The following WDR86 variants were observed in gnomAD, a reference collection of about 807,000 sequenced individuals.
The protein encoded by WDR86 is WD repeat-containing protein 86.
Under a neutral mutation model 36.5 loss-of-function variants are expected in WDR86, and 30 were observed. That is an observed-to-expected ratio of 0.82 (90% CI 0.61 to 1.11). The LOEUF (loss-of-function observed/expected upper bound fraction) is 1.11. Ranked by LOEUF, WDR86 falls within the 50% of genes most tolerant of loss-of-function variation. The pLI, the probability that WDR86 is intolerant of heterozygous loss-of-function variation, is 0.00. For synonymous variants in WDR86, 255 were observed against 252.9 expected (o/e 1.01, Z -0.08); for missense variants, 545 against 561.2 (o/e 0.97, Z 0.29).
At chr7:151,375,942 G>C (rs376679280) in exon 2 of WDR86, 2 of 1,604,576 alleles carry the variant, frequency 1.2e-6, no homozygotes, top group Non-Finnish European at 1.7e-6. Context: ...AACATTGACC[G>C]AGTGAGTGAC....
chr7:151,370,182 G>A, the WDR86 span, among the ~76,000 whole-genome samples: 2 of 151,896 alleles, frequency 1.3e-5, no homozygotes, highest in Admixed American at 1.3e-4. Flanking sequence ...TGCCTCCCAG[G>A]TTCAAGTGAT....
At position 151,401,832 on chromosome 7, in the gene WDR86, A is replaced by G. The variant is rs944191283; in HGVS notation, c.164-1591T>C. ...TGGGAGGCCGAGGCGGGTGGATCAC[A>G]AGGTCAGGAGTTCAAGATCAGCCTG... is the stretch of plus-strand genomic sequence containing the variant. On this transcript the variant is annotated intron_variant, in intron 1 of 5. Transcript: ENST00000334493. The surrounding 1 kb of genome is among the most constrained non-coding windows in gnomAD (Gnocchi z 4.3). 4.0e-5 allele frequency among the ~76,000 whole-genome samples: 6 copies of G among 151,120 alleles called. No individual in the cohort carries two copies. Among genetic ancestry groups the G allele is most frequent in the Non-Finnish European group, 8.8e-5 (6 of 67,806 alleles).
rs1004820436 is a variant in WDR86 at position 151,400,806 on chromosome 7, G to A, written c.164-565C>T. Among the ~76,000 whole-genome samples, 11 of 152,344 alleles carry A rather than the reference G, an allele frequency of 7.2e-5. 1 individual carries two copies. The highest frequency in any genetic ancestry group is 2.6e-4 in the African/African-American group (11 of 41,576). On this transcript the variant is annotated intron_variant, in intron 1 of 5. Coordinates refer to ENST00000334493, the MANE Select transcript of WDR86 (RefSeq NM_198285.3). Reference sequence around the variant, plus strand: ...GTCCTCAGGACGCAGCAACCATGGCGACTGCGCCGTCAACACAATAAGCCC... The same window carrying A: ...GTCCTCAGGACGCAGCAACCATGGCAACTGCGCCGTCAACACAATAAGCCC...
intron 3 of WDR86, among the ~76,000 whole-genome samples, chr7:151,394,850 C>T (rs1244927416): frequency 6.6e-6 from 1 of 151,582 alleles, no homozygotes; most frequent in African/African-American, 2.4e-5. Flanking sequence ...GCGTGAGAAC[C>T]CCCAGGCACC....
chr7:151,404,676 A>G (rs1322306129), intron 1 of WDR86, among the ~76,000 whole-genome samples: 1 of 152,256 alleles, frequency 6.6e-6, no homozygotes, highest in African/African-American at 2.4e-5. Context: ...CAAACTAAAA[A>G]TAAATATTTC....
rs748460809 is a variant in WDR86, at chr7:151,385,239, G to T, written c.727-16C>A. 1 of 1,609,412 alleles carries T rather than the reference G, an allele frequency of 6.2e-7. No individual in the cohort carries two copies. The highest frequency in any genetic ancestry group is 1.1e-5 in the South Asian group (1 of 91,076). On this transcript the variant is annotated splice_polypyrimidine_tract_variant and intron_variant, in intron 3 of 5. Coordinates refer to ENST00000334493, the MANE Select transcript of WDR86 (RefSeq NM_198285.3). ...GGTTCACCAGCTGCGAGGAGGAGCAGGGAAGGTCGGCAGCTGGGGCAGCTC... is the reference window on the plus strand; with the variant it reads ...GGTTCACCAGCTGCGAGGAGGAGCATGGAAGGTCGGCAGCTGGGGCAGCTC...
At chr7:151,384,940 G>T in intron 4 of WDR86, 148 bp downstream of exon 4, 1 of 878,166 alleles carries the variant, frequency 1.1e-6, no homozygotes, top group Non-Finnish European at 1.7e-6. Flanking sequence ...CTGGAAGCAC[G>T]GGTGTGTGGA....
chr7:151,369,295 A>AC, the WDR86 span: 1 of 153,502 alleles, frequency 6.5e-6, no homozygotes, highest in East Asian at 1.9e-4. Flanking sequence ...GGTGTGAGCC[A>AC]CCGCGCCTGG....
chr7:151,394,716 C>T (rs73727167), intron 3 of WDR86, among the ~76,000 whole-genome samples: 5,821 of 152,354 alleles, frequency 0.038, 206 homozygotes, highest in African/African-American at 0.093. Flanking sequence ...CATTGATTCA[C>T]CAAATCCCTA....
At chr7:151,379,549 C>T (rs1798457988), downstream of WDR86, among the ~76,000 whole-genome samples, 1 of 152,180 alleles carries the variant, frequency 6.6e-6, no homozygotes, top group Admixed American at 6.5e-5. Flanking sequence ...GGATCAGACT[C>T]TCTCACTCAC....
chr7:151,393,291 C>A (rs1351053536), intron 3 of WDR86, among the ~76,000 whole-genome samples: 1 of 152,170 alleles, frequency 6.6e-6, no homozygotes, highest in Non-Finnish European at 1.5e-5. Flanking sequence ...TGCGCCTATG[C>A]CTGTGTGTGC....
At chr7:151,395,166 TC>T (rs748132210) in intron 3 of WDR86, among the ~76,000 whole-genome samples, 2 of 152,210 alleles carry the variant, frequency 1.3e-5, no homozygotes, top group Non-Finnish European at 2.9e-5. Flanking sequence ...CACTTCCCAG[TC>T]CCCAACCCAT....
downstream of WDR86, among the ~76,000 whole-genome samples, chr7:151,375,589 T>G (rs1202294313): frequency 1.3e-5 from 2 of 152,226 alleles, no homozygotes; most frequent in East Asian, 3.9e-4. Flanking sequence ...TGGATGCTGC[T>G]TCCACCTGCT....
At position 151,388,064 on chromosome 7, in the gene WDR86, G is replaced by A. The variant is rs982206585; in HGVS notation, c.727-2841C>T. ...CAAAACGCAGGTGCAATCTCTGCCCGCCGGCTCCTCAGGGTTGGGTGAGAC... is the reference window on the plus strand; with the variant it reads ...CAAAACGCAGGTGCAATCTCTGCCCACCGGCTCCTCAGGGTTGGGTGAGAC... On this transcript the variant is annotated intron_variant, in intron 3 of 5. Coordinates refer to ENST00000334493, the MANE Select transcript of WDR86 (RefSeq NM_198285.3). This position sits in a 1 kb window ranked among gnomAD's most constrained non-coding sequence, Gnocchi z 4.2. Among the ~76,000 whole-genome samples, 1 of 152,192 alleles carries A rather than the reference G, an allele frequency of 6.6e-6. No individual in the cohort carries two copies. The highest frequency in any genetic ancestry group is 1.5e-5 in the Non-Finnish European group (1 of 68,024).
chr7:151,400,072 C>T (rs763631830), intron 2 of WDR86, 28 bp downstream of exon 2: 2 of 1,527,296 alleles, frequency 1.3e-6, no homozygotes, highest in Non-Finnish European at 1.8e-6. Flanking sequence ...TATGGTGAGA[C>T]TCAGCCCAAG....
chr7:151,407,220 C>T (rs949603312), intron 1 of WDR86, among the ~76,000 whole-genome samples: 3 of 152,222 alleles, frequency 2.0e-5, no homozygotes, highest in African/African-American at 7.2e-5. Flanking sequence ...GAAGGTTGGG[C>T]ACCCTCCCTG....
downstream of WDR86, among the ~76,000 whole-genome samples, chr7:151,372,841 C>A (rs896507555): frequency 1.3e-5 from 2 of 152,042 alleles, no homozygotes; most frequent in African/African-American, 4.8e-5. Flanking sequence ...GTAATGGGGG[C>A]ATGAGACAGG....
chr7:151,404,384 C>T (rs1800559503), intron 1 of WDR86, among the ~76,000 whole-genome samples: 2 of 152,208 alleles, frequency 1.3e-5, no homozygotes, highest in Admixed American at 6.5e-5. Flanking sequence ...AGCACTCACC[C>T]ACATCTGAAC....
rs1285612135 is a variant in WDR86 at position 151,406,607 on chromosome 7, G to T, written c.163+2820C>A. Reference sequence around the variant, plus strand: ...GACACAACTTCCCCCACAGTGGTAAGAGAAGCACCGTACAGTCTTCAGAAA... The same window carrying T: ...GACACAACTTCCCCCACAGTGGTAATAGAAGCACCGTACAGTCTTCAGAAA... On this transcript the variant is annotated intron_variant, in intron 1 of 5. Transcript: ENST00000334493. This position sits in a 1 kb window ranked among gnomAD's most constrained non-coding sequence, Gnocchi z 4.4. Among the ~76,000 whole-genome samples the T allele has an allele frequency of 2.6e-5, 4 of 152,316 alleles. No individual in the cohort carries two copies. The South Asian group carries it at 8.3e-4, about 32-fold the overall frequency.
Sources: gnomAD v4.1 joint callset for allele counts (sites outside exome capture counted in the v4.1 genomes callset) on GRCh38, gnomAD v4.1.1 for gene constraint, Gnocchi (gnomAD v3.1) non-coding constraint, MANE v1.5 for transcripts, NCBI Gene and HGNC (gene_info 2026-07-23, HGNC 2026-07-21) for gene names.